Variants in DNM1 observed in about 807,000 individuals in gnomAD.
DNM1 encodes the protein dynamin-1.
In DNM1, 29 loss-of-function variants were observed where a neutral mutation model predicts 104.6. The ratio of observed to expected loss-of-function variants is 0.28; its 90% CI spans 0.21 to 0.38. The LOEUF is 0.38. Among genes scored for constraint, DNM1 ranks in the 10% least tolerant of loss-of-function variants. The pLI is 1.00. For synonymous variants in DNM1, 445 were observed against 475.8 expected, an observed-to-expected ratio of 0.94 and a Z score of 0.84; for missense variants, 640 against 1,189.4, an observed-to-expected ratio of 0.54 and a Z score of 6.79.
At chr9:128,235,883 T>C (rs1835981969) in intron 11 of DNM1, among the ~76,000 whole-genome samples, 1 of 152,042 alleles carries the variant, frequency 6.6e-6, no homozygotes, top group Non-Finnish European at 1.5e-5. Flanking sequence ...CCTGGCTAAT[T>C]TTAAAATTTT....
intron 11 of DNM1, chr9:128,234,994 T>G (rs1443120124): frequency 4.0e-5 from 6 of 150,552 alleles, no homozygotes; most frequent in African/African-American, 1.5e-4. Context: ...GATTTCACCA[T>G]GTTGAACAGG....
At chr9:128,232,943 G>T (rs1243440575) in intron 10 of DNM1, among the ~76,000 whole-genome samples, 1 of 152,200 alleles carries the variant, frequency 6.6e-6, no homozygotes, top group Non-Finnish European at 1.5e-5. Flanking sequence ...CTGCCTCGGG[G>T]ACAGTTGCCA....
Position 128,220,399 on chromosome 9 carries a change from A to G in DNM1, c.849+58A>G. ...AACAAGCATGAAAACAGGATAAATT[A>G]AGTGTGTTCTGAGAGTGAACAGCAG... On this transcript the variant is annotated intron_variant, in intron 6 of 21. Transcript: ENST00000372923. This position sits in a 1 kb window ranked among gnomAD's most constrained non-coding sequence, Gnocchi z 5.2. 6.3e-7 allele frequency: 1 copy of G among 1,592,286 alleles called. No homozygotes were observed. Among genetic ancestry groups the G allele is most frequent in the Non-Finnish European group, 8.5e-7 (1 of 1,169,652 alleles).
In DNM1 at chr9:128,253,184, C is replaced by G; in HGVS notation, c.2535-1470C>G. 6.3e-7 allele frequency: 1 copy of G among 1,585,694 alleles called. No individual in the cohort carries two copies. The highest frequency in any genetic ancestry group is 8.6e-7 in the Non-Finnish European group (1 of 1,168,422). ...TGCTGCATGAACGGTGTGTCTGCCC[C>G]GCTGCACTAGCTCCACACGGGGCGC... is the stretch of plus-strand genomic sequence containing the variant. On this transcript the variant is annotated intron_variant, in intron 21 of 21. Coordinates refer to ENST00000372923, the MANE Select transcript of DNM1 (RefSeq NM_004408.4). This position sits in a 1 kb window ranked among gnomAD's most constrained non-coding sequence, Gnocchi z 5.9.
intron 15 of DNM1, 105 bp from the exon 16 acceptor site, chr9:128,246,289 G>A: frequency 1.2e-6 from 1 of 806,012 alleles, no homozygotes; most frequent in Non-Finnish European, 2.2e-6. Context: ...AGTGGGAGGG[G>A]GCTGATGCTT....
chr9:128,213,485 A>T lies in DNM1; in HGVS notation c.162-4746A>T, dbSNP rs375500979. Among the ~76,000 whole-genome samples, 3 of 127,392 alleles carry T rather than the reference A, an allele frequency of 2.4e-5. No individual in the cohort carries two copies. The East Asian group carries it at 8.2e-4, about 35-fold the overall frequency. 83.6% of individuals were successfully genotyped at this position (127,392 alleles called of 152,430 possible). A position where few individuals can be genotyped will look rare whatever the true frequency, so the allele number is the denominator to read the frequency against. ...TACAAAGTCATCAACCCTTGGATTG[A>T]TGGAAGGGAGGGAGGGAGGGTGGGA... is the stretch of plus-strand genomic sequence containing the variant. On this transcript the variant is annotated intron_variant, in intron 1 of 21. Coordinates refer to ENST00000372923, the MANE Select transcript of DNM1 (RefSeq NM_004408.4).
chr9:128,209,039 G>A (rs1217456681), intron 1 of DNM1, among the ~76,000 whole-genome samples: 1 of 152,172 alleles, frequency 6.6e-6, no homozygotes, highest in African/African-American at 2.4e-5. Flanking sequence ...GAGGGTTGGG[G>A]AGGCGGGGCT....
At position 128,240,560 on chromosome 9, in the gene DNM1, T is replaced by C. The variant is rs1836301069; in HGVS notation, c.1557+564T>C. ...AAGACTCTAGGTGTTTATGTGATTA[T>C]TGGCTTAATGTCTATTTCCTTCCCA... On this transcript the variant is annotated intron_variant, in intron 14 of 21. Transcript: ENST00000372923. The surrounding 1 kb of genome is among the most constrained non-coding windows in gnomAD (Gnocchi z 5.1). The C allele has an allele frequency of 6.5e-6, 1 of 153,378 alleles. No homozygotes were observed. The allele number at this position is 153,378 out of a possible 1,614,324, so 9.5% of individuals were successfully genotyped here.
intron 10 of DNM1, among the ~76,000 whole-genome samples, chr9:128,233,061 C>T (rs1402375715): frequency 6.6e-6 from 1 of 152,202 alleles, no homozygotes. Context: ...TCCGGCAGAA[C>T]CTTGTAGTCA....
chr9:128,242,291 G>A lies in DNM1; in HGVS notation c.1617G>A (p.Lys539=), dbSNP rs908450540. Residue 539 remains lysine (K), a synonymous_variant, in exon 15 of 22, where the codon AAG becomes AAA. Coordinates refer to ENST00000372923, the MANE Select transcript of DNM1 (RefSeq NM_004408.4). The part of the protein sequence containing the change: ...NNIGIMKGGS[K]EYWFVLTAEN... ...TTGGCATCATGAAAGGGGGCTCCAA[G>A]GAGTACTGGTTTGTGCTGACTGCTG... The A allele has an allele frequency of 4.3e-6, 7 of 1,613,550 alleles. No individual in the cohort carries two copies. The highest frequency in any genetic ancestry group is 1.3e-5 in the African/African-American group (1 of 74,928).
chr9:128,254,453 C>G lies in DNM1; in HGVS notation c.2535-201C>G. On this transcript the variant is annotated intron_variant, in intron 21 of 21. Coordinates refer to ENST00000372923, the MANE Select transcript of DNM1 (RefSeq NM_004408.4). This position sits in a 1 kb window ranked among gnomAD's most constrained non-coding sequence, Gnocchi z 6.1. Reference sequence around the variant, plus strand: ...CCAGGCGCTATCTGTGAAGCTACGGCTCCTCCCTCCATCTTCCTCCCCTTT... The same window carrying G: ...CCAGGCGCTATCTGTGAAGCTACGGGTCCTCCCTCCATCTTCCTCCCCTTT... 6.8e-7 allele frequency: 1 copy of G among 1,470,884 alleles called. No individual in the cohort carries two copies. Among genetic ancestry groups the G allele is most frequent in the Non-Finnish European group, 8.9e-7 (1 of 1,118,874 alleles). 91.1% of individuals were successfully genotyped at this position (1,470,884 alleles called of 1,614,324 possible). A position where few individuals can be genotyped will look rare whatever the true frequency, so the allele number is the denominator to read the frequency against.
At position 128,253,543 on chromosome 9, in the gene DNM1, A is replaced by C. The variant is rs1314582167; in HGVS notation, c.2535-1111A>C. On this transcript the variant is annotated intron_variant, in intron 21 of 21. Coordinates refer to ENST00000372923, the MANE Select transcript of DNM1 (RefSeq NM_004408.4). The surrounding 1 kb of genome is among the most constrained non-coding windows in gnomAD (Gnocchi z 5.9). ...GGCCTAGGAACGTTATCCTGGGCAC[A>C]CCGTGCGTGGTGTGCAGTCTGAGTC... The C allele has an allele frequency of 1.6e-5, 4 of 243,490 alleles. No homozygotes were observed. Among genetic ancestry groups the C allele is most frequent in the Middle Eastern group, 1.2e-3 (1 of 802 alleles). 15.1% of individuals were successfully genotyped at this position (243,490 alleles called of 1,614,324 possible). A position where few individuals can be genotyped will look rare whatever the true frequency, so the allele number is the denominator to read the frequency against.
chr9:128,250,812 T>C lies in DNM1; in HGVS notation c.2406T>C (p.Pro802=). The part of the protein sequence containing the change: ...RPGSRGPAPG[P]PPAGSALGGA... The stretch of plus-strand genomic sequence containing the variant: ...GGTCGCGGGGCCCTGCTCCTGGGCC[T>C]CCGCCTGCTGGGTCCGCCCTGGGGG... Residue 802 remains proline (P), a synonymous_variant, in exon 21 of 22, where the codon CCT becomes CCC. Transcript: ENST00000372923. 7.5e-7 allele frequency: 1 copy of C among 1,331,814 alleles called. No homozygotes were observed. The allele number at this position is 1,331,814 out of a possible 1,614,324, so 82.5% of individuals were successfully genotyped here. A position where few individuals can be genotyped will look rare whatever the true frequency, so the allele number is the denominator to read the frequency against.
In DNM1 at chr9:128,253,720, C is replaced by G. The variant is rs1326715243; in HGVS notation, c.2535-934C>G. 3.2e-6 allele frequency: 1 copy of G among 310,910 alleles called. No individual in the cohort carries two copies. Among genetic ancestry groups the G allele is most frequent in the Non-Finnish European group, 5.8e-6 (1 of 172,268 alleles). The allele number at this position is 310,910 out of a possible 1,614,324, so 19.3% of individuals were successfully genotyped here. On this transcript the variant is annotated intron_variant, in intron 21 of 21. Coordinates refer to ENST00000372923, the MANE Select transcript of DNM1 (RefSeq NM_004408.4). The surrounding 1 kb of genome is among the most constrained non-coding windows in gnomAD (Gnocchi z 5.9). ...TAAAAGCTTGAGAGTCCCATACACACGGTCATCCCACGACATACCTCACAG... is the reference window on the plus strand; with the variant it reads ...TAAAAGCTTGAGAGTCCCATACACAGGGTCATCCCACGACATACCTCACAG...
At chr9:128,250,592 G>A (rs1191322306) in intron 20 of DNM1, 133 bp from the exon 21 acceptor site, 3 of 1,000,260 alleles carry the variant, frequency 3.0e-6, no homozygotes, top group Non-Finnish European at 2.8e-6. Context: ...AAGCTCCGGC[G>A]ACCGCCTTAG....
rs1325356785 is a variant in DNM1, at chr9:128,254,575, C to A, written c.2535-79C>A. 1 of 1,589,944 alleles carries A rather than the reference C, an allele frequency of 6.3e-7. No homozygotes were observed. The highest frequency in any genetic ancestry group is 8.5e-7 in the Non-Finnish European group (1 of 1,175,026). ...ACTGCTGCGGCGCGGCCGGCCCCGG[C>A]CGTGTGCTGCGCTTGCCTTACCAGC... On this transcript the variant is annotated intron_variant, in intron 21 of 21. Transcript: ENST00000372923. This position sits in a 1 kb window ranked among gnomAD's most constrained non-coding sequence, Gnocchi z 6.1.
rs527248636 is a variant in DNM1 at position 128,214,641 on chromosome 9, G to C, written c.162-3590G>C. ...GTGACAACTCCAGTTCAGACAGGGAGTGTGGCATTTGGGGTTCCTGAGAGG... is the reference window on the plus strand; with the variant it reads ...GTGACAACTCCAGTTCAGACAGGGACTGTGGCATTTGGGGTTCCTGAGAGG... On this transcript the variant is annotated intron_variant, in intron 1 of 21. Transcript: ENST00000372923. 4.6e-5 allele frequency among the ~76,000 whole-genome samples: 7 copies of C among 152,334 alleles called. No individual in the cohort carries two copies. The South Asian group carries it at 1.5e-3, about 32-fold the overall frequency.
In DNM1 at chr9:128,230,232, A is replaced by C. The variant is rs570869260; in HGVS notation, c.1336-3789A>C. 3.8e-4 allele frequency among the ~76,000 whole-genome samples: 57 copies of C among 150,762 alleles called. No homozygotes were observed. In the South Asian group the frequency reaches 0.012, roughly 32 times the overall value. ...ACTCCGTCTCAAAAAAAAAAAAAGA[A>C]AATTAAAAATTAAAAAAAAAGATGG... On this transcript the variant is annotated intron_variant, in intron 10 of 21. Transcript: ENST00000372923.
At position 128,253,823 on chromosome 9, in the gene DNM1, C is replaced by A. The variant is rs1160134987; in HGVS notation, c.2535-831C>A. ...TGCTAGTGTGACTGAAGGCAGTGTCCCTGGCCCCAGCTGAAGCACCGTAGC... is the reference window on the plus strand; with the variant it reads ...TGCTAGTGTGACTGAAGGCAGTGTCACTGGCCCCAGCTGAAGCACCGTAGC... On this transcript the variant is annotated intron_variant, in intron 21 of 21. Coordinates refer to ENST00000372923, the MANE Select transcript of DNM1 (RefSeq NM_004408.4). This position sits in a 1 kb window ranked among gnomAD's most constrained non-coding sequence, Gnocchi z 5.9. The A allele has an allele frequency of 4.7e-6, 4 of 858,258 alleles. No homozygotes were observed. Among genetic ancestry groups the A allele is most frequent in the Non-Finnish European group, 6.2e-6 (4 of 649,276 alleles). 53.2% of individuals were successfully genotyped at this position (858,258 alleles called of 1,614,324 possible). A position where few individuals can be genotyped will look rare whatever the true frequency, so the allele number is the denominator to read the frequency against.
Sources: gnomAD v4.1 joint callset for allele counts (sites outside exome capture counted in the v4.1 genomes callset) on GRCh38, gnomAD v4.1.1 for gene constraint, Gnocchi (gnomAD v3.1) non-coding constraint, MANE v1.5 for transcripts, NCBI Gene and HGNC (gene_info 2026-07-23, HGNC 2026-07-21) for gene names.